The following TTC7B variants were observed in gnomAD, a reference collection of about 807,000 sequenced individuals.
The protein encoded by TTC7B is tetratricopeptide repeat protein 7B.
Under a neutral mutation model 106.8 loss-of-function variants are expected in TTC7B, and 28 were observed. The observed-to-expected ratio is 0.26, with a 90% CI of 0.19 to 0.36. TTC7B has a LOEUF of 0.36. TTC7B is among the 10% of genes least tolerant of loss of function. The pLI is 1.00. For synonymous variants in TTC7B, 405 were observed against 430.6 expected (o/e 0.94, Z 0.74); for missense variants, 862 against 1,076.4 (o/e 0.80, Z 2.79).
At chr14:90,561,022 T>C (rs970335737) in intron 19 of TTC7B, among the ~76,000 whole-genome samples, 1 of 152,194 alleles carries the variant, frequency 6.6e-6, no homozygotes, top group African/African-American at 2.4e-5. Context: ...AAGAGGCAGA[T>C]TTTGCTTCTA....
chr14:90,745,947 C>T (rs1191500544), intron 3 of TTC7B, among the ~76,000 whole-genome samples: 1 of 151,696 alleles, frequency 6.6e-6, no homozygotes, highest in Non-Finnish European at 1.5e-5. Context: ...AGGTGATCTG[C>T]CCGACTCAGC....
intron 2 of TTC7B, among the ~76,000 whole-genome samples, chr14:90,781,835 T>C (rs1891228418): frequency 6.6e-6 from 1 of 152,178 alleles, no homozygotes; most frequent in Non-Finnish European, 1.5e-5. Context: ...AAGGCTGGCC[T>C]GGCCAGTCCC....
chr14:90,712,172 A>G (rs960733531), intron 5 of TTC7B, among the ~76,000 whole-genome samples: 4 of 152,236 alleles, frequency 2.6e-5, no homozygotes, highest in African/African-American at 9.6e-5. Flanking sequence ...ATCTATCAAA[A>G]ACCTACAGCT....
chr14:90,633,351 A>G (rs539300193), intron 15 of TTC7B, among the ~76,000 whole-genome samples: 43 of 152,340 alleles, frequency 2.8e-4, no homozygotes, highest in African/African-American at 9.6e-4. Flanking sequence ...TTAAAAATCT[A>G]TGGAAGAATT....
chr14:90,672,255 C>T (rs566380710), intron 9 of TTC7B, among the ~76,000 whole-genome samples: 15 of 152,346 alleles, frequency 9.8e-5, no homozygotes, highest in African/African-American at 2.9e-4. Flanking sequence ...ATGAACTCTT[C>T]TGTCCACAAA....
chr14:90,688,482 G>A (rs995851473), intron 7 of TTC7B, among the ~76,000 whole-genome samples: 2 of 152,088 alleles, frequency 1.3e-5, no homozygotes, highest in Non-Finnish European at 2.9e-5. Context: ...AATTAGCCAG[G>A]CATGGTGGCA....
chr14:90,655,042 G>C lies in TTC7B; in HGVS notation c.1410C>G (p.Ala470=). 2 of 1,614,194 alleles carry C rather than the reference G, an allele frequency of 1.2e-6. No individual in the cohort carries two copies. Among genetic ancestry groups the C allele is most frequent in the Non-Finnish European group, 1.7e-6 (2 of 1,180,022 alleles). The part of the protein sequence containing the change: ...DVGEKTSEFK[A]KGYLALGLTY... ...TGAGCCCCAGAGCTAAGTAGCCTTT[G>C]GCCTTGAACTCTGACGTTTTCTCTC... The change falls in exon 12 of 20, where the codon GCC becomes GCG. Residue 470 remains alanine, a synonymous_variant. Transcript: ENST00000328459.
At chr14:90,766,138 T>G (rs1307310564) in intron 3 of TTC7B, among the ~76,000 whole-genome samples, 5 of 150,824 alleles carry the variant, frequency 3.3e-5, no homozygotes, top group Admixed American at 2.6e-4. Flanking sequence ...CTACAACGTT[T>G]TTTTTTTTTT....
intron 5 of TTC7B, among the ~76,000 whole-genome samples, chr14:90,706,859 ACTCT>A (rs1261583709): frequency 2.0e-5 from 3 of 151,962 alleles, no homozygotes; most frequent in African/African-American, 4.8e-5. Flanking sequence ...CTTAGCGAGA[ACTCT>A]CTCTCTCACA....
intron 19 of TTC7B, among the ~76,000 whole-genome samples, chr14:90,543,733 A>G (rs769780320): frequency 1.3e-5 from 2 of 152,202 alleles, no homozygotes; most frequent in Non-Finnish European, 2.9e-5. Flanking sequence ...CCACTGAGGA[A>G]TGAGTTATGG....
At chr14:90,596,117 T>G (rs1376812533) in intron 17 of TTC7B, among the ~76,000 whole-genome samples, 1 of 148,338 alleles carries the variant, frequency 6.7e-6, no homozygotes, top group African/African-American at 2.6e-5. Context: ...TAAAAACATG[T>G]TTTTTTTAAC....
At chr14:90,639,595 C>T (rs1354560916) in intron 15 of TTC7B, among the ~76,000 whole-genome samples, 1 of 152,152 alleles carries the variant, frequency 6.6e-6, no homozygotes, top group African/African-American at 2.4e-5. Context: ...GGAGTGTAAA[C>T]TAATACAACC....
chr14:90,701,709 TAC>T (rs949706676), intron 5 of TTC7B, among the ~76,000 whole-genome samples: 1 of 150,088 alleles, frequency 6.7e-6, no homozygotes, highest in East Asian at 1.9e-4. Context: ...TATATATATA[TAC>T]ACACACACAA....
rs747063411 is a variant in TTC7B, at chr14:90,689,558, C to T, written c.932G>A (p.Arg311His). Residue 311 changes from arginine to histidine, a missense_variant, in exon 7 of 20, where the codon CGT (arginine) becomes CAT (histidine). By Grantham distance (29) the Arg-to-His change is conservative. Coordinates refer to ENST00000328459, the MANE Select transcript of TTC7B (RefSeq NM_001010854.2). ...TTCATACTTCTCTCCTGAGTAGACA[C>T]GGGCTCTCCGAGTGAGAGTGTAGGT... Reference protein sequence around the residue: ...TKTYTLTRRARVYSGENIFCP... With the variant: ...TKTYTLTRRAHVYSGENIFCP... 1.6e-5 allele frequency: 26 copies of T among 1,613,822 alleles called. No individual in the cohort carries two copies. The highest frequency in any genetic ancestry group is 3.3e-5 in the Admixed American group (2 of 59,990).
chr14:90,560,295 T>C (rs909998375), intron 19 of TTC7B, among the ~76,000 whole-genome samples: 3 of 152,232 alleles, frequency 2.0e-5, no homozygotes, highest in Non-Finnish European at 4.4e-5. Context: ...GATGTCATTG[T>C]GGGTGGAGCC....
chr14:90,642,375 A>G (rs1885217502), intron 15 of TTC7B, among the ~76,000 whole-genome samples: 1 of 152,254 alleles, frequency 6.6e-6, no homozygotes, highest in African/African-American at 2.4e-5. Context: ...AGCACTGATT[A>G]AAAACACAGC....
In TTC7B at chr14:90,534,136, G is replaced by A. The variant is rs537287044; in HGVS notation, c.*7232C>T. The A allele has an allele frequency of 6.6e-6, 1 of 152,414 alleles. No individual in the cohort carries two copies. Among genetic ancestry groups the A allele is most frequent in the East Asian group, 1.9e-4 (1 of 5,196 alleles). The allele number at this position is 152,414 out of a possible 1,614,324, so 9.4% of individuals were successfully genotyped here. A position where few individuals can be genotyped will look rare whatever the true frequency, so the allele number is the denominator to read the frequency against. ...GGGTCCCCCACGGTGTGACCTTGAG[G>A]GGGGGCCTCAGCCTGGCCCCCAAAA... is the stretch of plus-strand genomic sequence containing the variant. On this transcript the variant is annotated 3_prime_UTR_variant, in exon 20 of 20. Coordinates refer to ENST00000328459, the MANE Select transcript of TTC7B (RefSeq NM_001010854.2).
At chr14:90,660,272 C>A (rs1886136147) in intron 9 of TTC7B, among the ~76,000 whole-genome samples, 1 of 150,586 alleles carries the variant, frequency 6.6e-6, no homozygotes, top group South Asian at 2.1e-4. Context: ...CACCTGTAGT[C>A]CCAGTTACTC....
chr14:90,790,856 G>T (rs2140045524), intron 1 of TTC7B, among the ~76,000 whole-genome samples: 1 of 152,244 alleles, frequency 6.6e-6, no homozygotes, highest in African/African-American at 2.4e-5. Flanking sequence ...GGATGAGTAG[G>T]ACCTGGGCTG....
Sources: gnomAD v4.1 joint callset for allele counts (sites outside exome capture counted in the v4.1 genomes callset) on GRCh38, gnomAD v4.1.1 for gene constraint, MANE v1.5 for transcripts, NCBI Gene and HGNC (gene_info 2026-07-23, HGNC 2026-07-21) for gene names.